The following MYH1 variants were observed in gnomAD, a reference collection of about 807,000 sequenced individuals.
The protein encoded by MYH1 is myosin-1.
In MYH1, 214 loss-of-function variants were observed where a neutral mutation model predicts 225.6. The ratio of observed to expected loss-of-function variants is 0.95; its 90% CI spans 0.85 to 1.06. MYH1 has a LOEUF of 1.06. Ranked by LOEUF, MYH1 falls within the 50% of genes least tolerant of loss-of-function variation. The probability of loss-of-function intolerance (pLI) is 0.00; values close to 1 mark genes in which losing one functional copy is unlikely to be tolerated. For synonymous variants in MYH1, 774 were observed against 842.3 expected (o/e 0.92, Z 1.40); for missense variants, 2,098 against 2,344.2 (o/e 0.89, Z 2.17).
Position 10,495,118 on chromosome 17 carries a change from C to T in MYH1, c.5296-17G>A. The T allele has an allele frequency of 2.5e-6, 4 of 1,614,200 alleles. No individual in the cohort carries two copies. The highest frequency in any genetic ancestry group is 3.4e-6 in the Non-Finnish European group (4 of 1,180,042). ...CATGGCAGCCTAATTAGCAGTAAAA[C>T]AGAATGGGTTAAGACAGCTAAGACA... On this transcript the variant is annotated splice_polypyrimidine_tract_variant and intron_variant, in intron 36 of 39. Transcript: ENST00000226207.
In MYH1 at chr17:10,505,927, C is replaced by T; in HGVS notation, c.2059G>A (p.Ala687Thr). ...IIPNETKTPG[A>T]MEHELVLHQL... ...TGCAGGACAAGCTCATGCTCCATGGCACCTAAAAGAATGAATCCACATGCC... is the reference window on the plus strand; with the variant it reads ...TGCAGGACAAGCTCATGCTCCATGGTACCTAAAAGAATGAATCCACATGCC... The change falls in exon 19 of 40, where the codon GCC becomes ACC. Residue 687 changes from alanine to threonine, a missense_variant and splice_region_variant. By Grantham distance (58) the Ala-to-Thr change is moderately conservative. Coordinates refer to ENST00000226207, the MANE Select transcript of MYH1 (RefSeq NM_005963.4). The T allele has an allele frequency of 6.2e-7, 1 of 1,614,156 alleles. No individual in the cohort carries two copies. Among genetic ancestry groups the T allele is most frequent in the Non-Finnish European group, 8.5e-7 (1 of 1,180,028 alleles).
In MYH1 at chr17:10,516,496, T is replaced by C. The variant is rs754082323; in HGVS notation, c.147A>G (p.Lys49=). 2 of 1,614,242 alleles carry C rather than the reference T, an allele frequency of 1.2e-6. No homozygotes were observed. Among genetic ancestry groups the C allele is most frequent in the South Asian group, 2.2e-5 (2 of 91,086 alleles). Residue 49 remains lysine (K), a synonymous_variant, in exon 3 of 40, where the codon AAA becomes AAG. Coordinates refer to ENST00000226207, the MANE Select transcript of MYH1 (RefSeq NM_005963.4). The stretch of plus-strand genomic sequence containing the variant: ...CCCCTTCCCTGCTCTGCACTGTTGC[T>C]TTCACAAAGGACTCCTTAGGGTCCA... ...FVVDPKESFV[K]ATVQSREGGK... is the part of the protein sequence containing the mutation.
In MYH1 at chr17:10,513,648, C is replaced by T. The variant is rs555792973; in HGVS notation, c.783G>A (p.Leu261=). ...CACATGTTTCAATATCAGCAGAAGC[C>T]AGTTTCCCTGTGGTACCGAAGTGGA... ...IRIHFGTTGK[L]ASADIETYLL... The change falls in exon 9 of 40, where the codon CTG becomes CTA. Residue 261 remains leucine, a synonymous_variant. Transcript: ENST00000226207. The T allele has an allele frequency of 4.8e-5, 77 of 1,613,936 alleles. No individual in the cohort carries two copies. The highest frequency in any genetic ancestry group is 5.6e-5 in the Non-Finnish European group (66 of 1,179,958).
At chr17:10,513,560 G>A (rs916850869) in intron 9 of MYH1, 66 bp downstream of exon 9, 9 of 1,477,548 alleles carry the variant, frequency 6.1e-6, no homozygotes, top group African/African-American at 1.4e-5. Flanking sequence ...AGCAGGAGCT[G>A]CAAAGTGTTC....
intron 15 of MYH1, among the ~76,000 whole-genome samples, chr17:10,509,207 A>G (rs1430471281): frequency 6.6e-6 from 1 of 152,200 alleles, no homozygotes; most frequent in African/African-American, 2.4e-5. Flanking sequence ...AACAGTAAGT[A>G]AAAAATATTC....
chr17:10,497,685 C>A, intron 31 of MYH1, 49 bp downstream of exon 31: 1 of 1,604,206 alleles, frequency 6.2e-7, no homozygotes, highest in Non-Finnish European at 8.5e-7. Flanking sequence ...AGGTAGCAGG[C>A]TATTGTTAAT....
intron 12 of MYH1, 65 bp from the exon 13 acceptor site, chr17:10,512,257 A>G (rs2142277101): frequency 6.3e-7 from 1 of 1,583,438 alleles, no homozygotes; most frequent in East Asian, 2.2e-5. Context: ...AAAGGGGCAT[A>G]GTATTGAGTA....
intron 6 of MYH1, among the ~76,000 whole-genome samples, 195 bp downstream of exon 6, chr17:10,514,673 C>A (rs1433997653): frequency 6.6e-6 from 1 of 152,194 alleles, no homozygotes; most frequent in Non-Finnish European, 1.5e-5. Context: ...TCAAGACCAG[C>A]AAATGAGGTG....
rs766370836 is a variant in MYH1 at position 10,509,560 on chromosome 17, G to A, written c.1512C>T (p.Tyr504=). Residue 504 remains tyrosine (Y), a synonymous_variant, in exon 15 of 40, where the codon TAC becomes TAT. Coordinates refer to ENST00000226207, the MANE Select transcript of MYH1 (RefSeq NM_005963.4). ...ACGTCCACTCAATGCCTTCCTTCTT[G>A]TACTCCTCCTGCTCCAGCACGAACA... The part of the protein sequence containing the change: ...HHMFVLEQEE[Y]KKEGIEWTFI... The A allele has an allele frequency of 6.2e-7, 1 of 1,614,000 alleles. No individual in the cohort carries two copies.
In MYH1 at chr17:10,512,883, C is replaced by CTTGTTAGAT; in HGVS notation, c.887_888insATCTAACAA (p.Ser294_Lys296dup). The CTTGTTAGAT allele has an allele frequency of 6.2e-7, 1 of 1,612,506 alleles. No individual in the cohort carries two copies. The highest frequency in any genetic ancestry group is 8.5e-7 in the Non-Finnish European group (1 of 1,178,574). On this transcript the variant is annotated inframe_insertion, in exon 10 of 40. Coordinates refer to ENST00000226207, the MANE Select transcript of MYH1 (RefSeq NM_005963.4). The stretch of plus-strand genomic sequence containing the variant: ...ATTTCTTACCAATTAGATCTGGCTT[C>CTTGTTAGAT]TTGTTAGACATGATCTGATAAAAAA...
chr17:10,512,045 T>A, intron 13 of MYH1, 29 bp downstream of exon 13: 1 of 1,614,006 alleles, frequency 6.2e-7, no homozygotes, highest in Non-Finnish European at 8.5e-7. Context: ...GCCTGGGATG[T>A]GTGTGATTCA....
intron 22 of MYH1, among the ~76,000 whole-genome samples, chr17:10,504,136 T>A (rs1464421994): frequency 6.6e-6 from 1 of 152,210 alleles, no homozygotes; most frequent in Admixed American, 6.5e-5. Flanking sequence ...TGGCAGCAAT[T>A]GAACTGTCTT....
chr17:10,495,373 C>T, intron 35 of MYH1, 56 bp from the exon 36 acceptor site: 1 of 1,588,084 alleles, frequency 6.3e-7, no homozygotes, highest in Non-Finnish European at 8.6e-7. Flanking sequence ...AATTAGGAAA[C>T]CTCATGTTCT....
intron 39 of MYH1, 72 bp from the exon 40 acceptor site, chr17:10,492,640 A>C (rs1597432584): frequency 2.7e-6 from 4 of 1,460,284 alleles, no homozygotes; most frequent in Non-Finnish European, 3.7e-6. Flanking sequence ...TGGATCTTGA[A>C]TTTCCTTTTT....
In MYH1 at chr17:10,497,278, T is replaced by C. The variant is rs753825280; in HGVS notation, c.4531+9A>G. On this transcript the variant is annotated intron_variant, in intron 32 of 39. Transcript: ENST00000226207. ...TTTTATTGTTAAAGAAAAGGTAAAA[T>C]GTTCTCACGTTGCAAATTCTTATTT... 6.3e-7 allele frequency: 1 copy of C among 1,594,990 alleles called. No individual in the cohort carries two copies. Among genetic ancestry groups the C allele is most frequent in the East Asian group, 2.2e-5 (1 of 44,794 alleles).
rs904500776 is a variant in MYH1, at chr17:10,495,440, A to T, written c.5170-123T>A. 7 of 1,327,710 alleles carry T rather than the reference A, an allele frequency of 5.3e-6. No homozygotes were observed. In the Admixed American group the frequency reaches 1.6e-4, roughly 30 times the overall value. The allele number at this position is 1,327,710 out of a possible 1,614,324, so 82.2% of individuals were successfully genotyped here. On this transcript the variant is annotated intron_variant, in intron 35 of 39. Transcript: ENST00000226207. The stretch of plus-strand genomic sequence containing the variant: ...TCATTAATATTCCTCCTTGTTTCAT[A>T]AATTATCTGAGTTGACATATGTTTA...
intron 7 of MYH1, 23 bp from the exon 8 acceptor site, chr17:10,513,936 T>C (rs2073198739): frequency 1.2e-6 from 2 of 1,613,812 alleles, no homozygotes; most frequent in African/African-American, 2.7e-5. Flanking sequence ...GAGCAGTCCT[T>C]GCATCTGGGG....
Position 10,498,641 on chromosome 17 carries a change from T to G in MYH1, c.4166A>C (p.Glu1389Ala). 1 of 1,613,996 alleles carries G rather than the reference T, an allele frequency of 6.2e-7. No individual in the cohort carries two copies. The highest frequency in any genetic ancestry group is 8.5e-7 in the Non-Finnish European group (1 of 1,179,884). Residue 1389 changes from glutamate to alanine, a missense_variant, in exon 30 of 40, where the codon GAG (glutamate) becomes GCG (alanine). By Grantham distance (107) the Glu-to-Ala change is moderately radical. Transcript: ENST00000226207. ...YETDAIQRTE[E>A]LEEAKKKLAQ... Reference sequence around the variant, plus strand: ...TGGAACATACTTGGCCTCCTCCAGCTCCTCTGTGCGCTGGATGGCATCTGT... The same window carrying G: ...TGGAACATACTTGGCCTCCTCCAGCGCCTCTGTGCGCTGGATGGCATCTGT...
In MYH1 at chr17:10,495,057, G is replaced by T; in HGVS notation, c.5340C>A (p.Ser1780Arg). 1 of 1,614,202 alleles carries T rather than the reference G, an allele frequency of 6.2e-7. No individual in the cohort carries two copies. Among genetic ancestry groups the T allele is most frequent in the South Asian group, 1.1e-5 (1 of 91,082 alleles). Residue 1780 changes from serine (S) to arginine (R), a missense_variant, in exon 37 of 40, where the codon AGC becomes AGA. Transcript: ENST00000226207. Reference sequence around the variant, plus strand: ...TCTTCTTCATCCGCTCCAGATGGGCGCTGGTGTCCTGTTCCTTCTTCAGCT... The same window carrying T: ...TCTTCTTCATCCGCTCCAGATGGGCTCTGGTGTCCTGTTCCTTCTTCAGCT... ...AEELKKEQDT[S>R]AHLERMKKNL...
Sources: allele counts gnomAD v4.1 joint callset (sites outside exome capture counted in the v4.1 genomes callset), GRCh38; gene constraint gnomAD v4.1.1; transcripts MANE v1.5; gene names NCBI Gene and HGNC (gene_info 2026-07-23, HGNC 2026-07-21).